Variants in ELP3 observed in about 807,000 individuals in gnomAD.
The protein encoded by ELP3 is elongator complex protein 3.
ELP3 carries 56 observed loss-of-function variants against 74.9 expected under a neutral mutation model. That is an observed-to-expected ratio of 0.75 (90% CI 0.60 to 0.93). ELP3 has a LOEUF of 0.93. Among genes scored for constraint, ELP3 ranks in the 40% least tolerant of loss-of-function variants. The pLI is 0.00. For synonymous variants in ELP3, 222 were observed against 239.8 expected, an observed-to-expected ratio of 0.93 and a Z score of 0.68; for missense variants, 573 against 686.5, an observed-to-expected ratio of 0.83 and a Z score of 1.85.
At chr8:28,185,385 T>C (rs1815196031) in intron 14 of ELP3, among the ~76,000 whole-genome samples, 1 of 152,154 alleles carries the variant, frequency 6.6e-6, no homozygotes, top group Non-Finnish European at 1.5e-5. Flanking sequence ...TCTTTGTATA[T>C]ACACAACATA....
intron 1 of ELP3, 96 bp downstream of exon 1, chr8:28,093,329 C>A: frequency 1.3e-6 from 2 of 1,533,870 alleles, no homozygotes; most frequent in South Asian, 1.2e-5. Flanking sequence ...CGCGAGAATC[C>A]GCTACCCAGT....
chr8:28,135,521 G>A (rs1812952845), intron 9 of ELP3, among the ~76,000 whole-genome samples: 1 of 152,300 alleles, frequency 6.6e-6, no homozygotes, highest in Middle Eastern at 3.4e-3. Context: ...CTATGTGCTG[G>A]CTTTTCCCTG....
At chr8:28,092,726 C>T, upstream of ELP3, 3 of 228,284 alleles carry the variant, frequency 1.3e-5, no homozygotes, top group South Asian at 1.5e-4. Context: ...CTCTTCCAGG[C>T]CCTCAGTTAG....
intron 1 of ELP3, among the ~76,000 whole-genome samples, chr8:28,094,702 A>G (rs1811184964): frequency 6.6e-6 from 1 of 151,976 alleles, no homozygotes; most frequent in African/African-American, 2.4e-5. Context: ...AGATCGCACC[A>G]CTGCACTCCA....
At chr8:28,099,745 A>G in intron 2 of ELP3, 83 bp from the exon 3 acceptor site, 4 of 1,467,700 alleles carry the variant, frequency 2.7e-6, no homozygotes, top group South Asian at 1.2e-5. Flanking sequence ...ACAGTTGTTA[A>G]TGATGTTGTT....
chr8:28,171,435 A>G (rs927613843), intron 14 of ELP3, among the ~76,000 whole-genome samples: 2 of 151,968 alleles, frequency 1.3e-5, no homozygotes, highest in Non-Finnish European at 2.9e-5. Context: ...ATGATTAATG[A>G]TGTTGAATGT....
chr8:28,127,473 C>G (rs1195113589), intron 7 of ELP3, among the ~76,000 whole-genome samples: 1 of 152,048 alleles, frequency 6.6e-6, no homozygotes, highest in African/African-American at 2.4e-5. Flanking sequence ...TTTTTGCTTT[C>G]TGGGGTTTTT....
chr8:28,139,423 G>A (rs1350662090), intron 10 of ELP3, among the ~76,000 whole-genome samples: 1 of 152,204 alleles, frequency 6.6e-6, no homozygotes, highest in African/African-American at 2.4e-5. Flanking sequence ...ATAGGTACAT[G>A]TAGAAATAAG....
At chr8:28,121,992 A>ATAAT (rs1397806011) in intron 7 of ELP3, among the ~76,000 whole-genome samples, 1 of 152,202 alleles carries the variant, frequency 6.6e-6, no homozygotes, top group Non-Finnish European at 1.5e-5. Context: ...TACATGTATT[A>ATAAT]GATTGAATAA....
At chr8:28,105,755 T>G (rs1811662401) in intron 3 of ELP3, among the ~76,000 whole-genome samples, 1 of 152,238 alleles carries the variant, frequency 6.6e-6, no homozygotes, top group Admixed American at 6.5e-5. Context: ...TTTCCATGTT[T>G]ATAGCTACTT....
At chr8:28,094,570 T>G (rs1014390851) in intron 1 of ELP3, among the ~76,000 whole-genome samples, 4 of 152,024 alleles carry the variant, frequency 2.6e-5, no homozygotes, top group Non-Finnish European at 4.4e-5. Flanking sequence ...AACACAAAAA[T>G]TAGCCGGGCG....
intron 6 of ELP3, chr8:28,112,338 G>T (rs1811951056): frequency 6.6e-6 from 1 of 152,054 alleles, no homozygotes; most frequent in South Asian, 2.1e-4. Flanking sequence ...TCACCATGTT[G>T]GCCAGGCTGG....
chr8:28,142,322 A>T (rs926820990), intron 10 of ELP3, among the ~76,000 whole-genome samples: 2 of 152,200 alleles, frequency 1.3e-5, no homozygotes, highest in African/African-American at 4.8e-5. Flanking sequence ...ACCCCGTTAC[A>T]CTTATCCTAT....
intron 2 of ELP3, 76 bp downstream of exon 2, chr8:28,097,394 G>T: frequency 8.0e-6 from 7 of 878,236 alleles, no homozygotes; most frequent in South Asian, 3.4e-5. Context: ...AGTACTACTT[G>T]TTTTCCAGCT....
At chr8:28,150,730 A>C (rs1006620143) in intron 10 of ELP3, among the ~76,000 whole-genome samples, 1 of 151,910 alleles carries the variant, frequency 6.6e-6, no homozygotes, top group African/African-American at 2.4e-5. Flanking sequence ...GTATTCTCTG[A>C]GCTTCCTGGA....
chr8:28,150,153 G>A (rs1357251296), intron 10 of ELP3, among the ~76,000 whole-genome samples: 1 of 152,068 alleles, frequency 6.6e-6, no homozygotes, highest in African/African-American at 2.4e-5. Context: ...GCATAAGTAA[G>A]CATTTGTATA....
chr8:28,103,748 T>C (rs576131132), intron 3 of ELP3, among the ~76,000 whole-genome samples: 1 of 152,324 alleles, frequency 6.6e-6, no homozygotes, highest in South Asian at 2.1e-4. Context: ...ATTTATTTAT[T>C]TTAAGACAGG....
In ELP3 at chr8:28,111,559, A is replaced by G. The variant is rs886669628; in HGVS notation, c.462+1121A>G. ...ATCCACTTTGCTGTCACCCAAGCGTATGAGGAACAGGATTGTCGGTGACAG... is the reference window on the plus strand; with the variant it reads ...ATCCACTTTGCTGTCACCCAAGCGTGTGAGGAACAGGATTGTCGGTGACAG... On this transcript the variant is annotated intron_variant, in intron 6 of 14. Transcript: ENST00000256398. Among the ~76,000 whole-genome samples, 7 of 152,224 alleles carry G rather than the reference A, an allele frequency of 4.6e-5. No homozygotes were observed. In the East Asian group the frequency reaches 1.2e-3, roughly 25 times the overall value.
chr8:28,134,762 ATC>A (rs1423210342), intron 9 of ELP3, among the ~76,000 whole-genome samples: 8 of 152,144 alleles, frequency 5.3e-5, no homozygotes, highest in Admixed American at 4.6e-4. Flanking sequence ...ATCTTTTCTT[ATC>A]TCTCTGAAGA....
Sources: allele counts gnomAD v4.1 joint callset (sites outside exome capture counted in the v4.1 genomes callset), GRCh38; gene constraint gnomAD v4.1.1; transcripts MANE v1.5; gene names NCBI Gene and HGNC (gene_info 2026-07-23, HGNC 2026-07-21).